The following CTNNA3 variants were observed in gnomAD, a reference collection of about 807,000 sequenced individuals.
CTNNA3 encodes the protein catenin alpha 3.
CTNNA3 carries 76 observed loss-of-function variants against 95.7 expected under a neutral mutation model. That is an observed-to-expected ratio of 0.79 (90% CI 0.66 to 0.96). CTNNA3 has a LOEUF of 0.96. Ranked by LOEUF, CTNNA3 falls within the 40% of genes least tolerant of loss-of-function variation. The pLI is 0.00. For synonymous variants in CTNNA3, 431 were observed against 374.4 expected (o/e 1.15, Z -1.74); for missense variants, 1,191 against 1,089.8 (o/e 1.09, Z -1.31).
At chr10:65,934,416 G>T (rs1242080315) in intron 17 of CTNNA3, among the ~76,000 whole-genome samples, 4 of 151,922 alleles carry the variant, frequency 2.6e-5, no homozygotes. Context: ...ACTCGGTGTA[G>T]CACTGGCTTA....
chr10:66,695,631 C>T (rs908578777), intron 9 of CTNNA3, among the ~76,000 whole-genome samples: 2 of 152,048 alleles, frequency 1.3e-5, no homozygotes, highest in African/African-American at 2.4e-5. Flanking sequence ...AAAAGTCATT[C>T]CCAGAAGTTG....
chr10:67,036,248 G>C (rs1050806754), intron 7 of CTNNA3, among the ~76,000 whole-genome samples: 5 of 151,560 alleles, frequency 3.3e-5, no homozygotes, highest in African/African-American at 9.7e-5. Context: ...AACCTCCTGG[G>C]CTCAAGAGAT....
chr10:67,483,972 G>A (rs972949869), intron 5 of CTNNA3, among the ~76,000 whole-genome samples: 3 of 151,934 alleles, frequency 2.0e-5, no homozygotes, highest in Non-Finnish European at 4.4e-5. Flanking sequence ...ATTAGAAAAA[G>A]AGTATTCTAA....
At chr10:67,268,825 G>A (rs1192662731) in intron 5 of CTNNA3, among the ~76,000 whole-genome samples, 4 of 152,076 alleles carry the variant, frequency 2.6e-5, no homozygotes, top group Non-Finnish European at 5.9e-5. Flanking sequence ...CTTTGTTGGG[G>A]ATAAAAGTTA....
chr10:67,229,216 A>C (rs559103305), intron 5 of CTNNA3, among the ~76,000 whole-genome samples: 1 of 152,344 alleles, frequency 6.6e-6, no homozygotes, highest in Non-Finnish European at 1.5e-5. Flanking sequence ...AAAAACAAAA[A>C]TCACATGATC....
chr10:66,543,436 A>C lies in CTNNA3; in HGVS notation c.1375-22663T>G, dbSNP rs535706255. Among the ~76,000 whole-genome samples the C allele has an allele frequency of 2.0e-5, 3 of 152,310 alleles. No individual in the cohort carries two copies. In the East Asian group the frequency reaches 5.8e-4, roughly 29 times the overall value. On this transcript the variant is annotated intron_variant, in intron 10 of 17. Coordinates refer to ENST00000433211, the MANE Select transcript of CTNNA3 (RefSeq NM_013266.4). ...ATGCTATGCAGCCATGAAAAATTAC[A>C]TTAAACAATATTTAATAACATGGAA...
chr10:67,616,045 C>T lies in CTNNA3; in HGVS notation c.100-8996G>A, dbSNP rs114992502. ...AGTGAAAGAGAAGAGCTAGTTTAGACTGCATATTAGGGAAAGCATCTCTGA... is the reference window on the plus strand; with the variant it reads ...AGTGAAAGAGAAGAGCTAGTTTAGATTGCATATTAGGGAAAGCATCTCTGA... On this transcript the variant is annotated intron_variant, in intron 2 of 17. Coordinates refer to ENST00000433211, the MANE Select transcript of CTNNA3 (RefSeq NM_013266.4). Among the ~76,000 whole-genome samples the T allele has an allele frequency of 6.6e-3, 1,008 of 152,246 alleles. 15 individuals are homozygous for T. Among genetic ancestry groups the T allele is most frequent in the African/African-American group, 0.023 (951 of 41,546 alleles).
chr10:65,930,779 G>A (rs2077240813), intron 17 of CTNNA3, among the ~76,000 whole-genome samples: 1 of 152,078 alleles, frequency 6.6e-6, no homozygotes, highest in African/African-American at 2.4e-5. Flanking sequence ...TAGAGGGATG[G>A]GCTTTAGCTC....
chr10:66,363,260 G>A (rs968181465), intron 12 of CTNNA3, among the ~76,000 whole-genome samples: 2 of 152,314 alleles, frequency 1.3e-5, no homozygotes, highest in African/African-American at 4.8e-5. Context: ...CTGAATGTTT[G>A]TGTCCCTCTC....
chr10:67,195,574 C>G (rs1355624576), intron 6 of CTNNA3, among the ~76,000 whole-genome samples: 1 of 151,974 alleles, frequency 6.6e-6, no homozygotes, highest in Non-Finnish European at 1.5e-5. Flanking sequence ...CATTTAAATG[C>G]ACTACCATCT....
At chr10:67,656,244 C>T (rs1028056300) in intron 1 of CTNNA3, among the ~76,000 whole-genome samples, 1 of 152,108 alleles carries the variant, frequency 6.6e-6, no homozygotes, top group East Asian at 1.9e-4. Flanking sequence ...AAGAAACTGC[C>T]TGATATCGTA....
At chr10:66,798,987 C>T (rs1841322492) in intron 7 of CTNNA3, among the ~76,000 whole-genome samples, 1 of 151,444 alleles carries the variant, frequency 6.6e-6, no homozygotes, top group South Asian at 2.1e-4. Context: ...TTGGTAAACA[C>T]CAAACTATGA....
At chr10:67,758,246 T>A (rs898033840) in intron 1 of CTNNA3, among the ~76,000 whole-genome samples, 2 of 150,860 alleles carry the variant, frequency 1.3e-5, no homozygotes, top group East Asian at 1.9e-4. Flanking sequence ...CTTAACCACA[T>A]AAAACAATTC....
intron 5 of CTNNA3, among the ~76,000 whole-genome samples, chr10:67,446,809 C>T (rs539232240): frequency 1.3e-5 from 2 of 151,928 alleles, no homozygotes; most frequent in African/African-American, 4.8e-5. Context: ...TTCCACATTG[C>T]AAAACTACAT....
chr10:66,515,265 A>ATATCTATCTATCTATCTATCTATC (rs10606169), intron 11 of CTNNA3, among the ~76,000 whole-genome samples: 41 of 146,010 alleles, frequency 2.8e-4, no homozygotes, highest in East Asian at 6.1e-4. Flanking sequence ...CTTATTCCCT[A>ATATCTATCTATCTATCTATCTATC]TATCTATCTA....
chr10:65,985,862 T>C (rs1350396564), intron 16 of CTNNA3, among the ~76,000 whole-genome samples: 2 of 151,520 alleles, frequency 1.3e-5, no homozygotes, highest in Non-Finnish European at 3.0e-5. Context: ...AACATGGTCT[T>C]ATATTAAGAA....
In CTNNA3 at chr10:66,879,364, C is replaced by T. The variant is rs375031247; in HGVS notation, c.1048-103840G>A. Among the ~76,000 whole-genome samples the T allele has an allele frequency of 2.6e-5, 4 of 152,240 alleles. No individual in the cohort carries two copies. The East Asian group carries it at 7.7e-4, about 29-fold the overall frequency. Reference sequence around the variant, plus strand: ...TATTCATCTTAAGACTTCTAAGCCACAGACCTCACACTCGAAATAAAAGTA... The same window carrying T: ...TATTCATCTTAAGACTTCTAAGCCATAGACCTCACACTCGAAATAAAAGTA... On this transcript the variant is annotated intron_variant, in intron 7 of 17. Transcript: ENST00000433211.
intron 12 of CTNNA3, among the ~76,000 whole-genome samples, chr10:66,288,322 C>T (rs2091624073): frequency 6.6e-6 from 1 of 151,614 alleles, no homozygotes; most frequent in Admixed American, 6.6e-5. Context: ...AGTTTTTGTA[C>T]ATTTTTGACT....
chr10:67,493,525 G>GCACTC (rs1479019047), intron 5 of CTNNA3, among the ~76,000 whole-genome samples: 1 of 148,958 alleles, frequency 6.7e-6, no homozygotes, highest in Non-Finnish European at 1.5e-5. Context: ...TCGCACCACT[G>GCACTC]CACTCCAGGC....
Sources: gnomAD v4.1 joint callset for allele counts (sites outside exome capture counted in the v4.1 genomes callset) on GRCh38, gnomAD v4.1.1 for gene constraint, MANE v1.5 for transcripts, NCBI Gene and HGNC (gene_info 2026-07-23, HGNC 2026-07-21) for gene names.